PDYN: variants seen among roughly 807,000 people sequenced by gnomAD.
The protein encoded by PDYN is prodynorphin, also known as proenkephalin-B.
PDYN carries 5 observed loss-of-function variants against 11.4 expected under a neutral mutation model. That is an observed-to-expected ratio of 0.44 (90% CI 0.23 to 0.92). The LOEUF (loss-of-function observed/expected upper bound fraction) is 0.92, where lower values mean the gene tolerates loss of function less well. Ranked by LOEUF, PDYN falls within the 40% of genes least tolerant of loss-of-function variation. The probability of loss-of-function intolerance (pLI) is 0.24; values close to 1 mark genes in which losing one functional copy is unlikely to be tolerated. For synonymous variants in PDYN, 132 were observed against 129.5 expected (o/e 1.02, Z -0.13); for missense variants, 337 against 317.3 (o/e 1.06, Z -0.47).
intron 2 of PDYN, among the ~76,000 whole-genome samples, chr20:1,990,872 G>A (rs1454174772): frequency 6.6e-6 from 1 of 151,512 alleles, no homozygotes; most frequent in African/African-American, 2.4e-5. Flanking sequence ...CAAAAGAATG[G>A]CAGAGGTGAG....
chr20:1,981,071 G>T, intron 3 of PDYN, 113 bp from the exon 4 acceptor site: 2 of 1,167,980 alleles, frequency 1.7e-6, no homozygotes, highest in Non-Finnish European at 2.5e-6. Flanking sequence ...CCACTGCTAA[G>T]CCCTGGGCTA....
At chr20:1,993,052 CTTT>C (rs57340342) in intron 1 of PDYN, among the ~76,000 whole-genome samples, 32,122 of 114,990 alleles carry the variant, frequency 0.28, 4,525 homozygotes, top group East Asian at 0.81. Context: ...AGTCAGCAGG[CTTT>C]TTTTTTTTTT....
At position 1,979,437 on chromosome 20, in the gene PDYN, G is replaced by A. The variant is rs1388811635; in HGVS notation, c.*886C>T. 6.6e-6 allele frequency: 1 copy of A among 152,188 alleles called. No homozygotes were observed. The highest frequency in any genetic ancestry group is 6.5e-5 in the Admixed American group (1 of 15,282). 9.4% of individuals were successfully genotyped at this position (152,188 alleles called of 1,614,324 possible). A position where few individuals can be genotyped will look rare whatever the true frequency, so the allele number is the denominator to read the frequency against. On this transcript the variant is annotated 3_prime_UTR_variant, in exon 4 of 4. Coordinates refer to ENST00000217305, the MANE Select transcript of PDYN (RefSeq NM_024411.5). ...CCCATCAGTTTAATTAGTTTAATGA[G>A]GGCTGAGGGAACTGGTCCACATTTT...
At chr20:1,985,523 G>A (rs2179617) in intron 2 of PDYN, among the ~76,000 whole-genome samples, 140,959 of 152,200 alleles carry the variant, frequency 0.93, 65,422 homozygotes, top group East Asian at 1. Context: ...TTATATACAA[G>A]GCCCTTGACC....
chr20:1,989,009 G>A (rs1417595024), intron 2 of PDYN, among the ~76,000 whole-genome samples: 1 of 152,146 alleles, frequency 6.6e-6, no homozygotes, highest in East Asian at 1.9e-4. Context: ...AGAGACTGTA[G>A]GGCCAAGAAA....
intron 2 of PDYN, among the ~76,000 whole-genome samples, chr20:1,991,031 A>G (rs758621979): frequency 9.2e-5 from 14 of 151,850 alleles, no homozygotes; most frequent in Non-Finnish European, 2.1e-4. Context: ...GAGGGGAAGA[A>G]GAGGGAAAAA....
chr20:1,986,060 T>C (rs1388170276), intron 2 of PDYN, among the ~76,000 whole-genome samples: 1 of 152,236 alleles, frequency 6.6e-6, no homozygotes, highest in Non-Finnish European at 1.5e-5. Context: ...ATTAACTTTA[T>C]ATTGAATGAT....
intron 2 of PDYN, among the ~76,000 whole-genome samples, chr20:1,988,620 T>C (rs774421309): frequency 2.0e-5 from 3 of 152,176 alleles, no homozygotes; most frequent in Non-Finnish European, 4.4e-5. Flanking sequence ...CTGACCCTGA[T>C]GGAGGGCCTG....
rs1165705234 is a variant in PDYN at position 1,983,059 on chromosome 20, G to A, written c.26C>T (p.Ala9Val). Residue 9 changes from alanine to valine, a missense_variant, in exon 3 of 4, where the codon GCT (alanine) becomes GTT (valine). Physicochemically the swap from Ala to Val is moderately conservative, Grantham distance 64 (BLOSUM62 0). Transcript: ENST00000217305. MAWQGLVL[A>V]ACLLMFPSTT... ...GGAGGGGAACATGAGGAGGCAGGCA[G>A]CCAGGACCAGCCCCTGCCAGGCCAT... 1 of 1,613,378 alleles carries A rather than the reference G, an allele frequency of 6.2e-7. No homozygotes were observed.
chr20:1,981,485 C>T lies in PDYN; in HGVS notation c.130-527G>A, dbSNP rs113284146. ...CATTGGGAGCATTCAATCATAATGA[C>T]GATGACAATAGCAAAGAATATGGAA... On this transcript the variant is annotated intron_variant, in intron 3 of 3. Coordinates refer to ENST00000217305, the MANE Select transcript of PDYN (RefSeq NM_024411.5). Among the ~76,000 whole-genome samples, 7 of 152,218 alleles carry T rather than the reference C, an allele frequency of 4.6e-5. 1 individual carries two copies. The highest frequency in any genetic ancestry group is 1.7e-4 in the African/African-American group (7 of 41,530).
At chr20:1,982,451 CAT>C (rs372613164) in intron 3 of PDYN, among the ~76,000 whole-genome samples, 2 of 152,080 alleles carry the variant, frequency 1.3e-5, no homozygotes, top group African/African-American at 2.4e-5. Flanking sequence ...ATGGGAGAGA[CAT>C]GTGGGGGAAC....
rs1179784423 is a variant in PDYN at position 1,994,046 on chromosome 20, G to A, written c.-215C>T. 1 of 153,336 alleles carries A rather than the reference G, an allele frequency of 6.5e-6. No individual in the cohort carries two copies. Among genetic ancestry groups the A allele is most frequent in the Non-Finnish European group, 1.5e-5 (1 of 68,230 alleles). The allele number at this position is 153,336 out of a possible 1,614,324, so 9.5% of individuals were successfully genotyped here. A position where few individuals can be genotyped will look rare whatever the true frequency, so the allele number is the denominator to read the frequency against. On this transcript the variant is annotated 5_prime_UTR_variant, in exon 1 of 4. Transcript: ENST00000217305. ...AGAGGCAGCTGTGAACACCACCAAA[G>A]CCCCTTCAAATGGCAGTTCTGGTGC...
rs529380614 is a variant in PDYN at position 1,978,866 on chromosome 20, G to C, written c.*1457C>G. 9 of 152,186 alleles carry C rather than the reference G, an allele frequency of 5.9e-5. No homozygotes were observed. Among genetic ancestry groups the C allele is most frequent in the African/African-American group, 1.9e-4 (8 of 41,518 alleles). 9.4% of individuals were successfully genotyped at this position (152,186 alleles called of 1,614,324 possible). On this transcript the variant is annotated 3_prime_UTR_variant, in exon 4 of 4. Transcript: ENST00000217305. The stretch of plus-strand genomic sequence containing the variant: ...TTGCATAAATGGGATTTTTTTAAAG[G>C]ACACAAAATAACTCTAAAACAATCT...
chr20:1,986,025 G>A lies in PDYN; in HGVS notation c.-19-2922C>T, dbSNP rs538724255. Among the ~76,000 whole-genome samples, 12 of 152,328 alleles carry A rather than the reference G, an allele frequency of 7.9e-5. No homozygotes were observed. The East Asian group carries it at 2.1e-3, about 27-fold the overall frequency. ...GATCTCTTTATCTCAGGCAAAAACAGCATTGGCATCCTTGTCTTTCATCCA... is the reference window on the plus strand; with the variant it reads ...GATCTCTTTATCTCAGGCAAAAACAACATTGGCATCCTTGTCTTTCATCCA... On this transcript the variant is annotated intron_variant, in intron 2 of 3. Transcript: ENST00000217305.
At chr20:1,990,169 C>T (rs934616842) in intron 2 of PDYN, among the ~76,000 whole-genome samples, 1 of 152,148 alleles carries the variant, frequency 6.6e-6, no homozygotes, top group African/African-American at 2.4e-5. Context: ...AGTTCCATTT[C>T]CAGATGGGGA....
At position 1,980,156 on chromosome 20, in the gene PDYN, A is replaced by G; in HGVS notation, c.*167T>C. ...CCCTTCCCCATCACAGACCCCAGAG[A>G]AATAACATACTCCCACGCAGAAGAG... On this transcript the variant is annotated 3_prime_UTR_variant, in exon 4 of 4. Coordinates refer to ENST00000217305, the MANE Select transcript of PDYN (RefSeq NM_024411.5). The G allele has an allele frequency of 1.3e-6, 1 of 761,936 alleles. No homozygotes were observed. The highest frequency in any genetic ancestry group is 2.0e-5 in the Admixed American group (1 of 50,432). 47.2% of individuals were successfully genotyped at this position (761,936 alleles called of 1,614,324 possible). A position where few individuals can be genotyped will look rare whatever the true frequency, so the allele number is the denominator to read the frequency against.
chr20:1,982,948 A>C lies in PDYN; in HGVS notation c.129+8T>G. 1.2e-6 allele frequency: 2 copies of C among 1,613,254 alleles called. No homozygotes were observed. The highest frequency in any genetic ancestry group is 1.7e-6 in the Non-Finnish European group (2 of 1,179,464). On this transcript the variant is annotated splice_region_variant and intron_variant, in intron 3 of 3. Coordinates refer to ENST00000217305, the MANE Select transcript of PDYN (RefSeq NM_024411.5). ...CCTGGGCATTGAAGAACCTTGCCTG[A>C]AACCTACCAGGGGATTGATAGGTTT...
chr20:1,993,999 C>T lies in PDYN; in HGVS notation c.-168G>A, dbSNP rs1988560850. The T allele has an allele frequency of 6.5e-6, 1 of 153,550 alleles. No homozygotes were observed. Among genetic ancestry groups the T allele is most frequent in the African/African-American group, 2.4e-5 (1 of 41,460 alleles). 9.5% of individuals were successfully genotyped at this position (153,550 alleles called of 1,614,324 possible). On this transcript the variant is annotated 5_prime_UTR_variant, in exon 1 of 4. Transcript: ENST00000217305. ...CCAAGGCTCAGGGGCCTCCTTGACT[C>T]CGGCTTGGGAGGAGGTGCCAAAGAG...
intron 2 of PDYN, among the ~76,000 whole-genome samples, chr20:1,984,961 C>T (rs939226867): frequency 2.0e-5 from 3 of 152,018 alleles, no homozygotes; most frequent in African/African-American, 7.2e-5. Context: ...AGACTCAGGG[C>T]CTCGATATTT....
Sources: allele counts gnomAD v4.1 joint callset (sites outside exome capture counted in the v4.1 genomes callset), GRCh38; gene constraint gnomAD v4.1.1; transcripts MANE v1.5; gene names NCBI Gene and HGNC (gene_info 2026-07-23, HGNC 2026-07-21).